KCNMA1: variants seen among roughly 807,000 people sequenced by gnomAD.
KCNMA1 encodes the protein Calcium-activated potassium channel subunit alpha-1.
A neutral mutation model predicts 140.0 loss-of-function variants in KCNMA1; 29 were observed. That is an observed-to-expected ratio of 0.21 (90% CI 0.15 to 0.28). The LOEUF is 0.28. Among genes scored for constraint, KCNMA1 ranks in the 10% least tolerant of loss-of-function variants. KCNMA1 has a pLI of 1.00. For synonymous variants in KCNMA1, 612 were observed against 611.9 expected, an observed-to-expected ratio of 1.00 and a Z score of 0.00; for missense variants, 880 against 1,602.2, an observed-to-expected ratio of 0.55 and a Z score of 7.70.
At chr10:77,259,292 A>T (rs1427355276) in intron 2 of KCNMA1, among the ~76,000 whole-genome samples, 1 of 152,212 alleles carries the variant, frequency 6.6e-6, no homozygotes, top group Non-Finnish European at 1.5e-5. Flanking sequence ...GCCAGATAAG[A>T]GTAAAACTGA....
intron 1 of KCNMA1, among the ~76,000 whole-genome samples, chr10:77,611,381 T>A (rs2720010): frequency 6.6e-6 from 1 of 152,022 alleles, no homozygotes; most frequent in Non-Finnish European, 1.5e-5. Context: ...CAAGGCCAAC[T>A]GTAAGGAGAG....
chr10:77,437,815 G>A (rs2097296133), intron 1 of KCNMA1, among the ~76,000 whole-genome samples: 1 of 152,268 alleles, frequency 6.6e-6, no homozygotes, highest in South Asian at 2.1e-4. Flanking sequence ...CCCTTACCTG[G>A]CTGACTCGGG....
intron 5 of KCNMA1, among the ~76,000 whole-genome samples, chr10:77,182,092 A>G (rs1262915057): frequency 1.3e-5 from 2 of 152,158 alleles, no homozygotes; most frequent in Non-Finnish European, 2.9e-5. Flanking sequence ...TCTTGACACA[A>G]CATTTTTTAA....
At chr10:77,579,719 C>T (rs1012707597) in intron 1 of KCNMA1, among the ~76,000 whole-genome samples, 5 of 152,020 alleles carry the variant, frequency 3.3e-5, no homozygotes, top group African/African-American at 4.8e-5. Flanking sequence ...CAGTAAAGAA[C>T]GGACCAGTGA....
intron 24 of KCNMA1, chr10:76,910,325 G>T: frequency 7.8e-6 from 4 of 516,044 alleles, no homozygotes; most frequent in South Asian, 7.6e-5. Context: ...GTTCAAGCAG[G>T]CTTGCTCCAC....
intron 3 of KCNMA1, among the ~76,000 whole-genome samples, chr10:77,222,491 T>G (rs1481367833): frequency 6.6e-6 from 1 of 152,250 alleles, no homozygotes; most frequent in East Asian, 1.9e-4. Context: ...GAAGCCCGCA[T>G]AGCCAGATGT....
chr10:77,555,107 C>A (rs1250011005), intron 1 of KCNMA1, among the ~76,000 whole-genome samples: 4 of 151,280 alleles, frequency 2.6e-5, no homozygotes, highest in African/African-American at 9.8e-5. Flanking sequence ...AAGAACTTCC[C>A]CAGTCCAGTG....
intron 1 of KCNMA1, among the ~76,000 whole-genome samples, chr10:77,555,250 T>C (rs1366675320): frequency 1.3e-5 from 2 of 152,332 alleles, no homozygotes; most frequent in Non-Finnish European, 2.9e-5. Flanking sequence ...CAGGGTGACA[T>C]GTGACAAAGT....
chr10:77,247,625 G>A (rs1012240757), intron 3 of KCNMA1, among the ~76,000 whole-genome samples: 2 of 152,156 alleles, frequency 1.3e-5, no homozygotes, highest in Non-Finnish European at 2.9e-5. Flanking sequence ...AATTGGGCAG[G>A]AGTCCTTTTA....
At chr10:77,325,693 T>C (rs556199579) in intron 2 of KCNMA1, among the ~76,000 whole-genome samples, 6 of 152,282 alleles carry the variant, frequency 3.9e-5, no homozygotes, top group Non-Finnish European at 5.9e-5. Flanking sequence ...CTGCCTTATC[T>C]CTGCATTGAC....
intron 23 of KCNMA1, among the ~76,000 whole-genome samples, chr10:76,928,737 C>T (rs2058474839): frequency 6.6e-6 from 1 of 152,126 alleles, no homozygotes; most frequent in South Asian, 2.1e-4. Context: ...ACTCTCTGCC[C>T]ATTTGTCATC....
chr10:77,535,238 G>A (rs988595569), intron 1 of KCNMA1, among the ~76,000 whole-genome samples: 1 of 152,120 alleles, frequency 6.6e-6, no homozygotes, highest in Non-Finnish European at 1.5e-5. Flanking sequence ...AAGTCAAAAG[G>A]TCCCACCATT....
intron 2 of KCNMA1, among the ~76,000 whole-genome samples, chr10:77,267,790 T>G (rs1360430641): frequency 1.3e-5 from 2 of 152,178 alleles, no homozygotes; most frequent in Non-Finnish European, 2.9e-5. Context: ...AATGTGACAA[T>G]CATCCAACAA....
At chr10:77,245,398 C>T (rs1374226330) in intron 3 of KCNMA1, among the ~76,000 whole-genome samples, 1 of 152,164 alleles carries the variant, frequency 6.6e-6, no homozygotes, top group Non-Finnish European at 1.5e-5. Context: ...GGGATCTGTG[C>T]TGTCCTCACA....
chr10:76,904,198 G>C (rs2046816384), intron 25 of KCNMA1: 1 of 152,118 alleles, frequency 6.6e-6, no homozygotes, highest in Non-Finnish European at 1.5e-5. Flanking sequence ...AATGTGCAAG[G>C]GCTGCCGGTG....
chr10:77,599,777 C>T (rs1381201595), intron 1 of KCNMA1, among the ~76,000 whole-genome samples: 1 of 152,128 alleles, frequency 6.6e-6, no homozygotes, highest in Non-Finnish European at 1.5e-5. Context: ...CCCAATACTG[C>T]CTTTCAGGGT....
At chr10:77,581,234 T>C (rs1008586905) in intron 1 of KCNMA1, among the ~76,000 whole-genome samples, 1 of 152,096 alleles carries the variant, frequency 6.6e-6, no homozygotes, top group Non-Finnish European at 1.5e-5. Flanking sequence ...AAATTTCATG[T>C]AAGTGGCTAT....
chr10:77,018,883 T>C (rs578152563), intron 17 of KCNMA1, 130 bp downstream of exon 17: 2 of 690,578 alleles, frequency 2.9e-6, no homozygotes, highest in South Asian at 3.2e-5. Flanking sequence ...TCCGTGGAAG[T>C]TTTTCTTACA....
At chr10:77,598,477 G>C (rs2081592256) in intron 1 of KCNMA1, among the ~76,000 whole-genome samples, 2 of 152,186 alleles carry the variant, frequency 1.3e-5, no homozygotes. Flanking sequence ...TAAGCACTTG[G>C]CCAGGAAAGC....
Sources: gnomAD v4.1 joint callset for allele counts (sites outside exome capture counted in the v4.1 genomes callset) on GRCh38, gnomAD v4.1.1 for gene constraint, MANE v1.5 for transcripts, NCBI Gene and HGNC (gene_info 2026-07-23, HGNC 2026-07-21) for gene names.